AZIN1: variants seen among roughly 807,000 people sequenced by gnomAD.
The protein encoded by AZIN1 is ornithine decarboxylase antizyme inhibitor.
In AZIN1, 12 loss-of-function variants were observed where a neutral mutation model predicts 47.4. The ratio of observed to expected loss-of-function variants is 0.25; its 90% CI spans 0.16 to 0.41. AZIN1 has a LOEUF of 0.41. Ranked by LOEUF, AZIN1 falls within the 10% of genes least tolerant of loss-of-function variation. AZIN1 has a pLI of 1.00. For missense variants in AZIN1, 410 were observed against 532.4 expected (o/e 0.77, Z 2.26); for synonymous variants, 155 against 176.3 (o/e 0.88, Z 0.96).
intron 2 of AZIN1, among the ~76,000 whole-genome samples, chr8:102,846,187 C>T (rs2131248467): frequency 6.6e-6 from 1 of 152,128 alleles, no homozygotes; most frequent in East Asian, 1.9e-4. Context: ...CCATTTCCTA[C>T]AACCATAGTG....
chr8:102,857,747 T>C (rs1375451930), intron 2 of AZIN1, among the ~76,000 whole-genome samples: 1 of 152,106 alleles, frequency 6.6e-6, no homozygotes, highest in Non-Finnish European at 1.5e-5. Flanking sequence ...CTATACCTTA[T>C]TTCCCAAAAG....
At chr8:102,855,885 A>G (rs1225719744) in intron 2 of AZIN1, 1 of 152,184 alleles carries the variant, frequency 6.6e-6, no homozygotes, top group Non-Finnish European at 1.5e-5. Flanking sequence ...GGGACTAGGT[A>G]TCTTTGTGAA....
In AZIN1 at chr8:102,829,945, A is replaced by T; in HGVS notation, c.905-9T>A. 6.5e-7 allele frequency: 1 copy of T among 1,532,450 alleles called. No homozygotes were observed. 94.9% of individuals were successfully genotyped at this position (1,532,450 alleles called of 1,614,324 possible). Reference sequence around the variant, plus strand: ...ACTTCCGGTTTTTTCTACTGGAATAAAACAGGAAAGGGGAAAATGAATTTT... The same window carrying T: ...ACTTCCGGTTTTTTCTACTGGAATATAACAGGAAAGGGGAAAATGAATTTT... On this transcript the variant is annotated splice_polypyrimidine_tract_variant and intron_variant, in intron 9 of 11. Transcript: ENST00000337198.
chr8:102,861,087 A>G (rs1813617887), intron 1 of AZIN1, among the ~76,000 whole-genome samples: 1 of 152,252 alleles, frequency 6.6e-6, no homozygotes, highest in Non-Finnish European at 1.5e-5. Flanking sequence ...ATAGTGCCAA[A>G]GTCAGTTTCT....
At chr8:102,850,260 A>C (rs1812837623) in intron 2 of AZIN1, 1 of 152,224 alleles carries the variant, frequency 6.6e-6, no homozygotes, top group Non-Finnish European at 1.5e-5. Context: ...TACTCATTAA[A>C]AATGAGAAAA....
At chr8:102,859,391 C>T (rs1024015332) in intron 1 of AZIN1, among the ~76,000 whole-genome samples, 1 of 152,194 alleles carries the variant, frequency 6.6e-6, no homozygotes, top group South Asian at 2.1e-4. Flanking sequence ...TTTCTCAATA[C>T]ATATATCCAC....
At chr8:102,844,412 AG>A (rs1812428378) in intron 2 of AZIN1, among the ~76,000 whole-genome samples, 1 of 152,122 alleles carries the variant, frequency 6.6e-6, no homozygotes. Context: ...GGGTGGCTTG[AG>A]GGAACAATCT....
At chr8:102,833,674 C>T (rs1473631794) in intron 8 of AZIN1, among the ~76,000 whole-genome samples, 2 of 151,202 alleles carry the variant, frequency 1.3e-5, no homozygotes, top group African/African-American at 4.9e-5. Context: ...GAGGCTGGGG[C>T]AGGAGGATCA....
intron 2 of AZIN1, among the ~76,000 whole-genome samples, chr8:102,853,055 C>G (rs1427487858): frequency 6.6e-6 from 1 of 152,070 alleles, no homozygotes; most frequent in East Asian, 1.9e-4. Context: ...ATTGGTTTAC[C>G]TGGGGTGGGG....
chr8:102,836,178 G>C, intron 6 of AZIN1, 78 bp downstream of exon 6: 1 of 1,432,320 alleles, frequency 7.0e-7, no homozygotes, highest in Non-Finnish European at 9.6e-7. Context: ...TGCAAATAAA[G>C]TCTTAAATCA....
chr8:102,839,785 C>G lies in AZIN1; in HGVS notation c.141G>C (p.Lys47Asn), dbSNP rs767461991. 7 of 1,606,094 alleles carry G rather than the reference C, an allele frequency of 4.4e-6. No homozygotes were observed. The highest frequency in any genetic ancestry group is 3.4e-6 in the Non-Finnish European group (4 of 1,175,900). ...KNAFFVGDLG[K>N]IVKKHSQWQN... is the part of the protein sequence containing the mutation. ...GCCATTGACTGTGTTTCTTCACAAT[C>G]TTTCCAAGATCTCCCACAAAAAATG... Residue 47 changes from lysine to asparagine, a missense_variant, in exon 4 of 12, where the codon AAG becomes AAC. Lys to Asn is a moderately conservative substitution (Grantham distance 94). Coordinates refer to ENST00000337198, the MANE Select transcript of AZIN1 (RefSeq NM_148174.4).
chr8:102,862,691 C>T (rs903097491), intron 1 of AZIN1, among the ~76,000 whole-genome samples: 6 of 152,178 alleles, frequency 3.9e-5, no homozygotes, highest in Non-Finnish European at 7.3e-5. Flanking sequence ...AGGCAATTCC[C>T]CCTCCTTTGA....
intron 2 of AZIN1, among the ~76,000 whole-genome samples, chr8:102,851,341 C>T (rs1812905223): frequency 6.6e-6 from 1 of 152,316 alleles, no homozygotes; most frequent in Non-Finnish European, 1.5e-5. Flanking sequence ...CCACTACTCA[C>T]CCAAGGAAAA....
At chr8:102,863,084 C>T (rs1316981413) in intron 1 of AZIN1, among the ~76,000 whole-genome samples, 3 of 152,240 alleles carry the variant, frequency 2.0e-5, no homozygotes, top group Non-Finnish European at 4.4e-5. Context: ...CAATCAGGAG[C>T]GCCGCAGGGG....
At chr8:102,856,270 A>C (rs1813289849) in intron 2 of AZIN1, among the ~76,000 whole-genome samples, 1 of 152,178 alleles carries the variant, frequency 6.6e-6, no homozygotes, top group Non-Finnish European at 1.5e-5. Flanking sequence ...TGAATATTTA[A>C]AGAAGTTATA....
intron 3 of AZIN1, among the ~76,000 whole-genome samples, chr8:102,840,235 T>G (rs567314559): frequency 1.3e-5 from 2 of 152,190 alleles, no homozygotes; most frequent in Non-Finnish European, 1.5e-5. Flanking sequence ...CCTAATACAG[T>G]AAGTAGAATC....
At chr8:102,829,532 G>A (rs771673226) in intron 10 of AZIN1, 46 bp from the exon 11 acceptor site, 15 of 1,485,650 alleles carry the variant, frequency 1.0e-5, no homozygotes, top group Admixed American at 1.9e-5. Flanking sequence ...TACTTACGCA[G>A]GTATTGAATT....
intron 1 of AZIN1, among the ~76,000 whole-genome samples, chr8:102,860,333 G>C (rs1299428579): frequency 2.0e-5 from 3 of 152,184 alleles, no homozygotes; most frequent in Non-Finnish European, 4.4e-5. Flanking sequence ...CGCGATCTTG[G>C]CTCACTGCAA....
intron 2 of AZIN1, among the ~76,000 whole-genome samples, chr8:102,850,928 A>ACTGC (rs567819463): frequency 1.3e-3 from 196 of 152,362 alleles, no homozygotes; most frequent in Non-Finnish European, 1.9e-3. Flanking sequence ...CTGTGTAAAG[A>ACTGC]CTGCCCAATG....
Sources: gnomAD v4.1 joint callset for allele counts (sites outside exome capture counted in the v4.1 genomes callset) on GRCh38, gnomAD v4.1.1 for gene constraint, MANE v1.5 for transcripts, NCBI Gene and HGNC (gene_info 2026-07-23, HGNC 2026-07-21) for gene names.